Variants in ARHGAP28 observed in about 807,000 individuals in gnomAD.
ARHGAP28 encodes the protein rho GTPase-activating protein 28.
Under a neutral mutation model 90.7 loss-of-function variants are expected in ARHGAP28, and 56 were observed. The ratio of observed to expected loss-of-function variants is 0.62; its 90% CI spans 0.50 to 0.77. The LOEUF is 0.77. Ranked by LOEUF, ARHGAP28 falls within the 30% of genes least tolerant of loss-of-function variation. ARHGAP28 has a pLI of 0.00. For synonymous variants in ARHGAP28, 308 were observed against 323.3 expected, an observed-to-expected ratio of 0.95 and a Z score of 0.51; for missense variants, 869 against 900.9, an observed-to-expected ratio of 0.96 and a Z score of 0.45.
chr18:6,822,703 A>G (rs2056634511), intron 1 of ARHGAP28, among the ~76,000 whole-genome samples: 1 of 152,224 alleles, frequency 6.6e-6, no homozygotes, highest in Non-Finnish European at 1.5e-5. Flanking sequence ...TAAATTGGCT[A>G]TCTTGGTGTC....
At position 6,824,917 on chromosome 18, in the gene ARHGAP28, T is replaced by C; in HGVS notation, c.278T>C (p.Met93Thr). ...REIESIKDSS[M>T]GGQEEPPPAE... ...ATAGAAAGTATTAAAGACAGCAGCATGGGAGGGCAAGAAGAGCCACCGCCA... is the reference window on the plus strand; with the variant it reads ...ATAGAAAGTATTAAAGACAGCAGCACGGGAGGGCAAGAAGAGCCACCGCCA... Residue 93 changes from methionine to threonine, a missense_variant, in exon 2 of 18, where the codon ATG becomes ACG. By Grantham distance (81) the Met-to-Thr change is moderately conservative. Coordinates refer to ENST00000383472, the MANE Select transcript of ARHGAP28 (RefSeq NM_001366230.1). 6.5e-7 allele frequency: 1 copy of C among 1,535,928 alleles called. No homozygotes were observed. Among genetic ancestry groups the C allele is most frequent in the Non-Finnish European group, 8.7e-7 (1 of 1,146,840 alleles).
chr18:6,785,940 T>C (rs1031556156), intron 1 of ARHGAP28, among the ~76,000 whole-genome samples: 1 of 152,240 alleles, frequency 6.6e-6, no homozygotes, highest in South Asian at 2.1e-4. Flanking sequence ...TTTTGTTACA[T>C]GTATGAGGTA....
intron 5 of ARHGAP28, among the ~76,000 whole-genome samples, chr18:6,867,276 G>A (rs1161058992): frequency 6.6e-6 from 1 of 152,122 alleles, no homozygotes; most frequent in Non-Finnish European, 1.5e-5. Context: ...CATGAAGCAG[G>A]TGTTCAGTTA....
intron 1 of ARHGAP28, among the ~76,000 whole-genome samples, chr18:6,800,664 A>G (rs2056475391): frequency 6.6e-6 from 1 of 152,184 alleles, no homozygotes; most frequent in African/African-American, 2.4e-5. Flanking sequence ...AACAATAAGA[A>G]CACATGGACA....
At chr18:6,820,591 A>G (rs1303615025) in intron 1 of ARHGAP28, among the ~76,000 whole-genome samples, 1 of 152,270 alleles carries the variant, frequency 6.6e-6, no homozygotes, top group Non-Finnish European at 1.5e-5. Context: ...ATTGAGAACT[A>G]CACTCAAATT....
chr18:6,770,164 G>C (rs1351659210), intron 1 of ARHGAP28, among the ~76,000 whole-genome samples: 1 of 152,092 alleles, frequency 6.6e-6, no homozygotes, highest in Non-Finnish European at 1.5e-5. Flanking sequence ...TATGATATTT[G>C]TTCCTTTTAG....
chr18:6,757,986 G>A (rs77392538), intron 1 of ARHGAP28, among the ~76,000 whole-genome samples: 15 of 152,232 alleles, frequency 9.9e-5, no homozygotes, highest in Admixed American at 2.6e-4. Context: ...TTCCTAAGCC[G>A]AGCTATAAAT....
intron 1 of ARHGAP28, among the ~76,000 whole-genome samples, chr18:6,813,151 G>C (rs1356135450): frequency 2.0e-5 from 3 of 152,198 alleles, no homozygotes; most frequent in African/African-American, 7.2e-5. Context: ...AGGGAAAGCT[G>C]AGTAAAATGG....
intron 1 of ARHGAP28, among the ~76,000 whole-genome samples, chr18:6,769,896 A>G (rs1001815459): frequency 1.2e-4 from 18 of 152,200 alleles, no homozygotes; most frequent in African/African-American, 4.3e-4. Context: ...CTCCTTTATT[A>G]TTTATTTTGG....
At chr18:6,768,695 A>G (rs1011961993) in intron 1 of ARHGAP28, among the ~76,000 whole-genome samples, 11 of 152,290 alleles carry the variant, frequency 7.2e-5, no homozygotes, top group Middle Eastern at 3.4e-3. Context: ...CTTTGTCTCT[A>G]TAACTTCTTC....
intron 1 of ARHGAP28, among the ~76,000 whole-genome samples, chr18:6,809,652 A>G (rs2056542642): frequency 6.6e-6 from 1 of 152,130 alleles, no homozygotes; most frequent in Non-Finnish European, 1.5e-5. Context: ...ACCAGATCTT[A>G]TTAGAACTCT....
At chr18:6,842,775 A>C (rs1459521438) in intron 3 of ARHGAP28, among the ~76,000 whole-genome samples, 2 of 152,092 alleles carry the variant, frequency 1.3e-5, no homozygotes, top group Admixed American at 6.6e-5. Context: ...AAGTGTGTTT[A>C]CTGTCATCCT....
intron 4 of ARHGAP28, 24 bp from the exon 5 acceptor site, chr18:6,859,784 T>G: frequency 6.2e-7 from 1 of 1,605,038 alleles, no homozygotes; most frequent in Non-Finnish European, 8.5e-7. Context: ...TGAATAAGAA[T>G]GGTACTTTTA....
At chr18:6,783,281 C>T (rs1018725690) in intron 1 of ARHGAP28, among the ~76,000 whole-genome samples, 12 of 150,862 alleles carry the variant, frequency 8.0e-5, no homozygotes, top group Non-Finnish European at 1.5e-4. Context: ...AGTCCAGACT[C>T]TTTGTGTTTT....
At chr18:6,796,072 A>G (rs1378995837) in intron 1 of ARHGAP28, among the ~76,000 whole-genome samples, 1 of 152,258 alleles carries the variant, frequency 6.6e-6, no homozygotes, top group African/African-American at 2.4e-5. Flanking sequence ...AATGTAGAGC[A>G]ACATACATGG....
chr18:6,746,799 AAAAGAG>A (rs546326070), intron 1 of ARHGAP28, among the ~76,000 whole-genome samples: 52 of 152,216 alleles, frequency 3.4e-4, no homozygotes, highest in Non-Finnish European at 5.7e-4. Context: ...TTAAAGGAAT[AAAAGAG>A]AAAGAGAAAG....
chr18:6,742,729 G>A (rs2055990234), intron 1 of ARHGAP28, among the ~76,000 whole-genome samples: 1 of 152,158 alleles, frequency 6.6e-6, no homozygotes, highest in African/African-American at 2.4e-5. Context: ...ACTGGGCTTG[G>A]ATGAGATCTG....
intron 1 of ARHGAP28, chr18:6,791,046 C>T (rs1403185974): frequency 6.6e-6 from 1 of 152,048 alleles, no homozygotes; most frequent in African/African-American, 2.4e-5. Context: ...AGTCAGGGTT[C>T]TCTAGAGGGA....
At chr18:6,807,913 T>C (rs905976080) in intron 1 of ARHGAP28, among the ~76,000 whole-genome samples, 3 of 152,204 alleles carry the variant, frequency 2.0e-5, no homozygotes, top group Non-Finnish European at 4.4e-5. Flanking sequence ...GCCTGGAAGC[T>C]CTCCCTAAGC....
Sources: gnomAD v4.1 joint callset for allele counts (sites outside exome capture counted in the v4.1 genomes callset) on GRCh38, gnomAD v4.1.1 for gene constraint, MANE v1.5 for transcripts, NCBI Gene and HGNC (gene_info 2026-07-23, HGNC 2026-07-21) for gene names.